SIN3A: variants seen among roughly 807,000 people sequenced by gnomAD.
SIN3A encodes SIN3 transcription regulator family member A, also known as paired amphipathic helix protein Sin3a.
In SIN3A, 14 loss-of-function variants were observed where a neutral mutation model predicts 146.1. That is an observed-to-expected ratio of 0.10 (90% CI 0.06 to 0.15). SIN3A has a LOEUF of 0.15. Ranked by LOEUF, SIN3A falls within the 10% of genes least tolerant of loss-of-function variation. SIN3A has a pLI of 1.00. For missense variants in SIN3A, 1,028 were observed against 1,576.0 expected (o/e 0.65, Z 5.89); for synonymous variants, 572 against 572.0 (o/e 1.00, Z 0.00).
At chr15:75,416,934 A>C (rs2073748781) in intron 3 of SIN3A, among the ~76,000 whole-genome samples, 1 of 152,212 alleles carries the variant, frequency 6.6e-6, no homozygotes, top group South Asian at 2.1e-4. Context: ...TTGGCTTGTG[A>C]AAAGTTGTTA....
chr15:75,451,239 C>T (rs1325119580), intron 1 of SIN3A, 184 bp downstream of exon 1: 4 of 138,788 alleles, frequency 2.9e-5, no homozygotes, highest in African/African-American at 1.1e-4. Context: ...GCTCTCCTCC[C>T]CCTCCCGCGC....
chr15:75,435,546 A>G (rs2074092103), intron 1 of SIN3A, among the ~76,000 whole-genome samples: 1 of 152,032 alleles, frequency 6.6e-6, no homozygotes, highest in Non-Finnish European at 1.5e-5. Context: ...AAAAACACAA[A>G]TATTAGCTGG....
At chr15:75,376,992 G>T (rs1225911660) in intron 19 of SIN3A, among the ~76,000 whole-genome samples, 3 of 151,922 alleles carry the variant, frequency 2.0e-5, no homozygotes, top group African/African-American at 7.3e-5. Flanking sequence ...AGATCTGTGA[G>T]ATCAAAACTA....
intron 3 of SIN3A, 75 bp from the exon 4 acceptor site, chr15:75,414,386 T>C (rs924477966): frequency 2.9e-6 from 2 of 691,240 alleles, no homozygotes; most frequent in African/African-American, 3.6e-5. Context: ...AAAAACAAAT[T>C]ATTTATGCCT....
At chr15:75,451,016 C>T (rs1200064951) in intron 1 of SIN3A, among the ~76,000 whole-genome samples, 1 of 151,812 alleles carries the variant, frequency 6.6e-6, no homozygotes, top group Non-Finnish European at 1.5e-5. Flanking sequence ...GCGGGAGACC[C>T]CCCCCTACCC....
intron 10 of SIN3A, 119 bp downstream of exon 10, chr15:75,401,733 C>T: frequency 1.5e-6 from 1 of 655,928 alleles, no homozygotes. Flanking sequence ...CTGGCACTAA[C>T]ATTTGAGTCA....
chr15:75,396,636 C>G, intron 12 of SIN3A, 140 bp from the exon 13 acceptor site: 1 of 625,446 alleles, frequency 1.6e-6, no homozygotes, highest in Non-Finnish European at 2.8e-6. Context: ...AAGACTGTTT[C>G]TTTATCAGCA....
intron 1 of SIN3A, among the ~76,000 whole-genome samples, chr15:75,436,836 G>T (rs1053610474): frequency 6.6e-6 from 1 of 151,998 alleles, no homozygotes; most frequent in African/African-American, 2.4e-5. Context: ...TATAAATTGG[G>T]AAAGGGATAC....
At chr15:75,427,543 C>T (rs1432680631) in intron 2 of SIN3A, among the ~76,000 whole-genome samples, 1 of 151,926 alleles carries the variant, frequency 6.6e-6, no homozygotes, top group African/African-American at 2.4e-5. Flanking sequence ...GCCTGTAATC[C>T]CAGCTACTCG....
At position 75,386,946 on chromosome 15, in the gene SIN3A, C is replaced by T. The variant is rs546953414; in HGVS notation, c.3022-2509G>A. The stretch of plus-strand genomic sequence containing the variant: ...TTAGCCTCCTGAGTAGCTGGGACTA[C>T]AGGCATGTGCCACCATGCCCAGCTA... On this transcript the variant is annotated intron_variant, in intron 16 of 20. Transcript: ENST00000394947. Among the ~76,000 whole-genome samples, 189 of 152,286 alleles carry T rather than the reference C, an allele frequency of 1.2e-3. 1 individual carries two copies. The highest frequency in any genetic ancestry group is 1.8e-3 in the Non-Finnish European group (124 of 68,036).
rs1189845762 is a variant in SIN3A at position 75,370,538 on chromosome 15, A to T, written c.*1441T>A. 6.6e-6 allele frequency: 1 copy of T among 152,226 alleles called. No individual in the cohort carries two copies. The highest frequency in any genetic ancestry group is 2.4e-5 in the African/African-American group (1 of 41,452). The allele number at this position is 152,226 out of a possible 1,614,324, so 9.4% of individuals were successfully genotyped here. ...AGTTTAAATTTATGTAATTAAAAAA[A>T]TAGGTATCCCATTTCAAATTCTCTC... is the stretch of plus-strand genomic sequence containing the variant. On this transcript the variant is annotated 3_prime_UTR_variant, in exon 21 of 21. Transcript: ENST00000394947.
At chr15:75,429,586 G>A (rs1356594103) in intron 2 of SIN3A, among the ~76,000 whole-genome samples, 1 of 152,104 alleles carries the variant, frequency 6.6e-6, no homozygotes, top group Non-Finnish European at 1.5e-5. Context: ...GTCTTAATAA[G>A]TGCGTTGATT....
At chr15:75,412,194 A>G (rs1272175135) in intron 5 of SIN3A, among the ~76,000 whole-genome samples, 1 of 152,248 alleles carries the variant, frequency 6.6e-6, no homozygotes, top group Non-Finnish European at 1.5e-5. Context: ...TCTTATACAT[A>G]GCCACCAGCC....
intron 16 of SIN3A, among the ~76,000 whole-genome samples, chr15:75,387,415 G>A (rs1471182354): frequency 1.3e-5 from 2 of 151,238 alleles, no homozygotes; most frequent in South Asian, 2.1e-4. Flanking sequence ...CAGCTACTTG[G>A]GAGGCTGAGG....
rs534194022 is a variant in SIN3A at position 75,382,436 on chromosome 15, A to G, written c.3196-731T>C. On this transcript the variant is annotated intron_variant, in intron 17 of 20. Coordinates refer to ENST00000394947, the MANE Select transcript of SIN3A (RefSeq NM_001145358.2). ...ATTGCAAAATCTGTCTCCAGTATTC[A>G]TAACAGGATGTCATTAACCAGTCCC... Among the ~76,000 whole-genome samples, 10 of 152,342 alleles carry G rather than the reference A, an allele frequency of 6.6e-5. No individual in the cohort carries two copies. In the South Asian group the frequency reaches 1.4e-3, roughly 22 times the overall value.
chr15:75,396,537 T>G, intron 12 of SIN3A, 41 bp from the exon 13 acceptor site: 1 of 1,398,696 alleles, frequency 7.1e-7, no homozygotes, highest in Non-Finnish European at 1.0e-6. Context: ...AGGACCCAAA[T>G]CAAAATAGAA....
At chr15:75,428,035 C>G (rs2073956728) in intron 2 of SIN3A, among the ~76,000 whole-genome samples, 1 of 152,030 alleles carries the variant, frequency 6.6e-6, no homozygotes, top group South Asian at 2.1e-4. Context: ...CAAAGTGATA[C>G]ATTACTTTCA....
At position 75,376,859 on chromosome 15, in the gene SIN3A, TA is replaced by T. The variant is rs200318256; in HGVS notation, c.3384-988del. Among the ~76,000 whole-genome samples, 681 of 115,762 alleles carry T rather than the reference TA, an allele frequency of 5.9e-3. 2 individuals carry two copies. The highest frequency in any genetic ancestry group is 0.013 in the African/African-American group (394 of 31,444). The allele number at this position is 115,762 out of a possible 152,430, so 75.9% of individuals were successfully genotyped here. ...TGGGACACAGAGCCAGACACTGTCT[TA>T]AAAAAAAAAAAAAAAAAAAAAAACC... On this transcript the variant is annotated intron_variant, in intron 19 of 20. Coordinates refer to ENST00000394947, the MANE Select transcript of SIN3A (RefSeq NM_001145358.2).
intron 19 of SIN3A, 45 bp downstream of exon 19, chr15:75,380,584 A>G (rs1479193580): frequency 3.6e-6 from 5 of 1,372,866 alleles, no homozygotes; most frequent in African/African-American, 1.4e-5. Context: ...CCATTCCTCA[A>G]TCATGCACAG....
Sources: allele counts gnomAD v4.1 joint callset (sites outside exome capture counted in the v4.1 genomes callset), GRCh38; gene constraint gnomAD v4.1.1; transcripts MANE v1.5; gene names NCBI Gene and HGNC (gene_info 2026-07-23, HGNC 2026-07-21).